ARB2A: variants seen among roughly 807,000 people sequenced by gnomAD.
ARB2A encodes ARB2 cotranscriptional regulator A.
the ARB2A span, among the ~76,000 whole-genome samples, chr5:93,762,846 G>A: frequency 1.0e-3 from 158 of 152,278 alleles, no homozygotes; most frequent in East Asian, 0.01. Flanking sequence ...GACTAACAGC[G>A]GATCTCTTGG....
the ARB2A span, among the ~76,000 whole-genome samples, chr5:93,798,268 G>C: frequency 1.3e-5 from 2 of 152,196 alleles, no homozygotes; most frequent in East Asian, 3.9e-4. Flanking sequence ...GCTTCCCTAA[G>C]TCTGTCTCTT....
the ARB2A span, among the ~76,000 whole-genome samples, chr5:94,109,312 T>G: frequency 6.6e-6 from 1 of 152,206 alleles, no homozygotes. Flanking sequence ...TTAATAGGTA[T>G]GAAGTTTCAG....
At chr5:94,024,098 T>C in the ARB2A span, among the ~76,000 whole-genome samples, 1 of 152,218 alleles carries the variant, frequency 6.6e-6, no homozygotes, top group African/African-American at 2.4e-5. Flanking sequence ...ATGATCATTA[T>C]ATGTGATGGT....
the ARB2A span, among the ~76,000 whole-genome samples, chr5:93,855,243 G>C: frequency 6.6e-6 from 1 of 152,052 alleles, no homozygotes; most frequent in Non-Finnish European, 1.5e-5. Flanking sequence ...GATCTTAGTT[G>C]GTTTAAAGTC....
the ARB2A span, among the ~76,000 whole-genome samples, chr5:94,003,165 C>G: frequency 6.6e-6 from 1 of 152,130 alleles, no homozygotes; most frequent in African/African-American, 2.4e-5. Context: ...TAAATACTTC[C>G]TTTTTGAAAC....
At chr5:93,794,355 G>C in the ARB2A span, among the ~76,000 whole-genome samples, 3 of 151,802 alleles carry the variant, frequency 2.0e-5, no homozygotes, top group African/African-American at 7.3e-5. Context: ...TTTTAAAATT[G>C]AACTTCACCT....
At chr5:93,844,130 A>AC in the ARB2A span, among the ~76,000 whole-genome samples, 15 of 151,766 alleles carry the variant, frequency 9.9e-5, no homozygotes, top group African/African-American at 2.9e-4. Flanking sequence ...CAAAAAAAAA[A>AC]ACAAAAAAAA....
chr5:93,783,426 T>C, the ARB2A span, among the ~76,000 whole-genome samples: 1 of 152,078 alleles, frequency 6.6e-6, no homozygotes, highest in African/African-American at 2.4e-5. Context: ...TACTATGAAA[T>C]TATATAGCCT....
chr5:94,067,389 A>C, the ARB2A span, among the ~76,000 whole-genome samples: 17 of 152,326 alleles, frequency 1.1e-4, no homozygotes, highest in African/African-American at 4.1e-4. Context: ...TTGGAAAAGA[A>C]GTCAAATTGT....
chr5:93,960,403 A>G, the ARB2A span, among the ~76,000 whole-genome samples: 1 of 152,046 alleles, frequency 6.6e-6, no homozygotes, highest in Non-Finnish European at 1.5e-5. Flanking sequence ...CCTCCACGGC[A>G]CATACCAAGA....
At chr5:94,097,214 G>C in the ARB2A span, among the ~76,000 whole-genome samples, 1 of 152,190 alleles carries the variant, frequency 6.6e-6, no homozygotes, top group Non-Finnish European at 1.5e-5. Flanking sequence ...TCTGATCTGA[G>C]CATTCCCACC....
At chr5:93,697,201 C>CT in the ARB2A span, among the ~76,000 whole-genome samples, 8 of 151,210 alleles carry the variant, frequency 5.3e-5, no homozygotes, top group East Asian at 1.9e-4. Context: ...CTTCTCAAAT[C>CT]TTTTTTTTAA....
At chr5:93,860,557 G>A in the ARB2A span, 1 of 147,586 alleles carries the variant, frequency 6.8e-6, no homozygotes, top group South Asian at 2.2e-4. Context: ...AAAAGGAAAA[G>A]AACATTAAGA....
At chr5:93,947,078 G>A in the ARB2A span, among the ~76,000 whole-genome samples, 5 of 151,878 alleles carry the variant, frequency 3.3e-5, no homozygotes, top group Admixed American at 3.3e-4. Flanking sequence ...ATTCTCTTTT[G>A]ATAGTTTAAT....
At chr5:93,724,487 G>T in the ARB2A span, among the ~76,000 whole-genome samples, 1 of 151,894 alleles carries the variant, frequency 6.6e-6, no homozygotes, top group Non-Finnish European at 1.5e-5. Context: ...TTAAGCTATG[G>T]CATGATGCTT....
At chr5:93,731,148 G>A in the ARB2A span, among the ~76,000 whole-genome samples, 1 of 152,170 alleles carries the variant, frequency 6.6e-6, no homozygotes, top group African/African-American at 2.4e-5. Context: ...GTGTTATTGG[G>A]TGAATTGTGT....
chr5:94,073,233 G>C, the ARB2A span, among the ~76,000 whole-genome samples: 3 of 152,022 alleles, frequency 2.0e-5, no homozygotes, highest in Non-Finnish European at 4.4e-5. Context: ...ACTTTACTAT[G>C]CATTTGCCAT....
At chr5:93,850,605 T>C in the ARB2A span, among the ~76,000 whole-genome samples, 2 of 152,140 alleles carry the variant, frequency 1.3e-5, no homozygotes, top group South Asian at 2.1e-4. Context: ...GTTTTTTTAT[T>C]CTTAACTACA....
the ARB2A span, among the ~76,000 whole-genome samples, chr5:93,767,790 G>A: frequency 6.6e-6 from 1 of 151,596 alleles, no homozygotes; most frequent in South Asian, 2.1e-4. Context: ...GTCAGGAGAT[G>A]GAGACCATCC....
Sources: allele counts gnomAD v4.1 joint callset (sites outside exome capture counted in the v4.1 genomes callset), GRCh38; gene constraint gnomAD v4.1.1; transcripts MANE v1.5; gene names NCBI Gene and HGNC (gene_info 2026-07-23, HGNC 2026-07-21).